The following PRTFDC1 variants were observed in gnomAD, a reference collection of about 807,000 sequenced individuals.
PRTFDC1 encodes the protein phosphoribosyltransferase domain-containing protein 1.
In PRTFDC1, 38 loss-of-function variants were observed where a neutral mutation model predicts 34.6. The ratio of observed to expected loss-of-function variants is 1.10; its 90% CI spans 0.85 to 1.44. The LOEUF (loss-of-function observed/expected upper bound fraction) is 1.44. Among genes scored for constraint, PRTFDC1 ranks in the 40% most tolerant of loss-of-function variants. The pLI, the probability that PRTFDC1 is intolerant of heterozygous loss-of-function variation, is 0.00. For missense variants in PRTFDC1, 270 were observed against 283.0 expected, an observed-to-expected ratio of 0.95 and a Z score of 0.33; for synonymous variants, 93 against 98.1, an observed-to-expected ratio of 0.95 and a Z score of 0.31.
intron 3 of PRTFDC1, among the ~76,000 whole-genome samples, chr10:24,915,902 T>C (rs1283330339): frequency 6.6e-6 from 1 of 152,192 alleles, no homozygotes; most frequent in East Asian, 1.9e-4. Flanking sequence ...TTCTATACAT[T>C]GACCACGTTT....
intron 1 of PRTFDC1, among the ~76,000 whole-genome samples, chr10:24,947,130 A>G (rs111579828): frequency 6.9e-4 from 105 of 152,340 alleles, no homozygotes; most frequent in African/African-American, 2.4e-3. Flanking sequence ...GCAAAGTGAG[A>G]TTGTCTCAAG....
rs750684080 is a variant in PRTFDC1, at chr10:24,856,987, G to A, written c.432C>T (p.Val144=). ...GTGCTTTCATGGTCCTCCCAGTTCC[G>A]ACAACATCCTTTGCAAAAAGGACAG... ...GKNVLIVEDV[V]GTGRTMKALL... The change falls in exon 6 of 9, where the codon GTC becomes GTT. Residue 144 remains valine (V), a synonymous_variant. Transcript: ENST00000320152. The A allele has an allele frequency of 1.2e-4, 196 of 1,612,696 alleles. No individual in the cohort carries two copies. The highest frequency in any genetic ancestry group is 1.6e-4 in the Non-Finnish European group (186 of 1,178,874).
At position 24,849,823 on chromosome 10, in the gene PRTFDC1, T is replaced by G. The variant is rs1371336620; in HGVS notation, c.*21A>C. Reference sequence around the variant, plus strand: ...GTAAATATGATGCTATCTGGGACTTTAGTGGTGAGAATTCATGTCTTTAGA... The same window carrying G: ...GTAAATATGATGCTATCTGGGACTTGAGTGGTGAGAATTCATGTCTTTAGA... On this transcript the variant is annotated 3_prime_UTR_variant, in exon 9 of 9. Coordinates refer to ENST00000320152, the MANE Select transcript of PRTFDC1 (RefSeq NM_020200.7). 1 of 1,612,320 alleles carries G rather than the reference T, an allele frequency of 6.2e-7. No homozygotes were observed. The highest frequency in any genetic ancestry group is 1.3e-5 in the African/African-American group (1 of 74,880).
chr10:24,922,965 T>C (rs1056518897), intron 3 of PRTFDC1, among the ~76,000 whole-genome samples: 1 of 152,242 alleles, frequency 6.6e-6, no homozygotes, highest in African/African-American at 2.4e-5. Context: ...TCCCACAGTC[T>C]TAGCAACTGG....
At chr10:24,856,512 CA>C (rs1367364692) in intron 6 of PRTFDC1, among the ~76,000 whole-genome samples, 1 of 152,172 alleles carries the variant, frequency 6.6e-6, no homozygotes, top group East Asian at 1.9e-4. Flanking sequence ...TGTTTGAACC[CA>C]GGGGGTGGAG....
At chr10:24,892,908 G>A (rs1465678712) in intron 3 of PRTFDC1, among the ~76,000 whole-genome samples, 1 of 152,132 alleles carries the variant, frequency 6.6e-6, no homozygotes, top group East Asian at 1.9e-4. Flanking sequence ...CACATAAAAT[G>A]TTTGATTTTT....
chr10:24,910,946 C>T (rs1450832170), intron 3 of PRTFDC1, among the ~76,000 whole-genome samples: 2 of 151,414 alleles, frequency 1.3e-5, no homozygotes, highest in Non-Finnish European at 2.9e-5. Flanking sequence ...ATCTTCCCAC[C>T]TTAGCATCCC....
intron 3 of PRTFDC1, among the ~76,000 whole-genome samples, chr10:24,921,675 AT>A (rs537222518): frequency 7.7e-4 from 111 of 144,672 alleles, no homozygotes; most frequent in African/African-American, 2.3e-3. Context: ...TTATTCTCCT[AT>A]TTGTCAATGT....
At chr10:24,908,220 T>G in intron 3 of PRTFDC1, 1 of 335,454 alleles carries the variant, frequency 3.0e-6, no homozygotes. Context: ...GCAGATACAT[T>G]TTTGTTGCGT....
rs1278475369 is a variant in PRTFDC1 at position 24,932,957 on chromosome 10, A to G, written c.339+4227T>C. Among the ~76,000 whole-genome samples the G allele has an allele frequency of 2.6e-5, 4 of 152,282 alleles. No individual in the cohort carries two copies. The East Asian group carries it at 7.7e-4, about 29-fold the overall frequency. On this transcript the variant is annotated intron_variant, in intron 3 of 8. Transcript: ENST00000320152. ...AGTGTCCAGAAATAGACCAACATAC[A>G]TATATAAAGTAAGCTGATTTTCAGT...
chr10:24,945,156 A>T lies in PRTFDC1; in HGVS notation c.49-2720T>A, dbSNP rs145681689. Among the ~76,000 whole-genome samples, 1,328 of 152,204 alleles carry T rather than the reference A, an allele frequency of 8.7e-3. 66 individuals are homozygous for T. The highest frequency in any genetic ancestry group is 0.075 in the Admixed American group (1,141 of 15,298). On this transcript the variant is annotated intron_variant, in intron 1 of 8. Transcript: ENST00000320152. ...TCATAGCCTGTTTTACCACTGGATG[A>T]TGTGTGTGTGCATGGGTGTGTTCTG... is the stretch of plus-strand genomic sequence containing the variant.
chr10:24,872,788 G>GTATATATA (rs1555045487), intron 3 of PRTFDC1, among the ~76,000 whole-genome samples: 3 of 83,210 alleles, frequency 3.6e-5, no homozygotes, highest in Non-Finnish European at 7.0e-5. Flanking sequence ...GTGTGTGTGT[G>GTATATATA]TATATATATA....
At chr10:24,923,767 A>G (rs1042815188) in intron 3 of PRTFDC1, among the ~76,000 whole-genome samples, 4 of 152,192 alleles carry the variant, frequency 2.6e-5, no homozygotes, top group Admixed American at 2.0e-4. Flanking sequence ...GCAGCTCCTC[A>G]CCAGCAATGG....
intron 3 of PRTFDC1, among the ~76,000 whole-genome samples, chr10:24,924,914 A>T (rs1275712442): frequency 1.3e-5 from 2 of 152,248 alleles, no homozygotes; most frequent in Admixed American, 1.3e-4. Flanking sequence ...CAGTGTGGTG[A>T]TTCCTCAAGG....
chr10:24,877,822 T>C (rs1847992226), intron 3 of PRTFDC1, among the ~76,000 whole-genome samples: 1 of 152,108 alleles, frequency 6.6e-6, no homozygotes, highest in African/African-American at 2.4e-5. Context: ...CGTTTCGCCA[T>C]GTTGGTCAGG....
intron 2 of PRTFDC1, among the ~76,000 whole-genome samples, chr10:24,940,880 G>A (rs560559205): frequency 6.6e-6 from 1 of 152,338 alleles, no homozygotes; most frequent in African/African-American, 2.4e-5. Flanking sequence ...GATGCTGGAA[G>A]TGGGAGCAGG....
chr10:24,888,849 A>G (rs560249838), intron 3 of PRTFDC1, among the ~76,000 whole-genome samples: 2 of 152,322 alleles, frequency 1.3e-5, no homozygotes, highest in East Asian at 1.9e-4. Flanking sequence ...AAAGCAGGCA[A>G]TGGTTTCCAG....
At chr10:24,887,807 C>G (rs977352540) in intron 3 of PRTFDC1, among the ~76,000 whole-genome samples, 6 of 152,204 alleles carry the variant, frequency 3.9e-5, no homozygotes, top group Admixed American at 6.5e-5. Context: ...ATCTCTCCAG[C>G]CAACCCACTT....
chr10:24,878,674 C>T (rs990721493), intron 3 of PRTFDC1, among the ~76,000 whole-genome samples: 3 of 152,092 alleles, frequency 2.0e-5, no homozygotes, highest in African/African-American at 4.8e-5. Context: ...GCAGGGGAGA[C>T]GATTCCTCAC....
Sources: allele counts gnomAD v4.1 joint callset (sites outside exome capture counted in the v4.1 genomes callset), GRCh38; gene constraint gnomAD v4.1.1; transcripts MANE v1.5; gene names NCBI Gene and HGNC (gene_info 2026-07-23, HGNC 2026-07-21).